PIP4P2: variants seen among roughly 807,000 people sequenced by gnomAD.
The protein encoded by PIP4P2 is type 2 phosphatidylinositol 4,5-bisphosphate 4-phosphatase.
In PIP4P2, 19 loss-of-function variants were observed where a neutral mutation model predicts 33.3. The observed-to-expected ratio is 0.57, with a 90% CI of 0.40 to 0.84. The LOEUF is 0.84. Among genes scored for constraint, PIP4P2 ranks in the 40% least tolerant of loss-of-function variants. The pLI, the probability that PIP4P2 is intolerant of heterozygous loss-of-function variation, is 0.00. For synonymous variants in PIP4P2, 110 were observed against 111.9 expected (o/e 0.98, Z 0.11); for missense variants, 270 against 324.7 (o/e 0.83, Z 1.29).
intron 5 of PIP4P2, among the ~76,000 whole-genome samples, chr8:91,002,980 T>A (rs1156414458): frequency 6.6e-6 from 1 of 152,062 alleles, no homozygotes; most frequent in East Asian, 1.9e-4. Context: ...CTAAAAGAAG[T>A]TTGGAGTTTG....
At chr8:91,014,582 G>C (rs1225221107) in intron 4 of PIP4P2, among the ~76,000 whole-genome samples, 1 of 152,060 alleles carries the variant, frequency 6.6e-6, no homozygotes, top group Non-Finnish European at 1.5e-5. Context: ...GTGGTTGCCA[G>C]GCATTGAGGT....
intron 5 of PIP4P2, among the ~76,000 whole-genome samples, chr8:90,998,537 A>G (rs1033674092): frequency 6.6e-6 from 1 of 151,950 alleles, no homozygotes; most frequent in Non-Finnish European, 1.5e-5. Context: ...TGCAATATAT[A>G]TTACTGGTAC....
intron 4 of PIP4P2, among the ~76,000 whole-genome samples, chr8:91,011,029 GATA>G (rs1811829926): frequency 3.5e-5 from 5 of 141,114 alleles, no homozygotes; most frequent in Non-Finnish European, 7.8e-5. Context: ...GAGATAGATA[GATA>G]GATAGATAGA....
chr8:91,039,673 T>G (rs950163798), intron 1 of PIP4P2, among the ~76,000 whole-genome samples: 1 of 152,208 alleles, frequency 6.6e-6, no homozygotes, highest in African/African-American at 2.4e-5. Context: ...CATTTGCAAG[T>G]GCCATTTTGA....
intron 1 of PIP4P2, among the ~76,000 whole-genome samples, chr8:91,033,757 C>T (rs1246467215): frequency 1.3e-5 from 2 of 152,056 alleles, no homozygotes; most frequent in Non-Finnish European, 2.9e-5. Context: ...CATGCTCTAA[C>T]CCACTGTCCC....
chr8:91,025,312 C>T (rs1019502498), intron 1 of PIP4P2, among the ~76,000 whole-genome samples: 1 of 152,120 alleles, frequency 6.6e-6, no homozygotes, highest in South Asian at 2.1e-4. Flanking sequence ...ACATAATGAT[C>T]TTTCTAAAAC....
intron 1 of PIP4P2, among the ~76,000 whole-genome samples, chr8:91,026,980 G>A (rs1812090503): frequency 6.6e-6 from 1 of 152,202 alleles, no homozygotes; most frequent in Admixed American, 6.5e-5. Flanking sequence ...GGCCTCTACA[G>A]ACAGAAAATG....
intron 5 of PIP4P2, 119 bp from the exon 6 acceptor site, chr8:90,996,863 C>T (rs1811635767): frequency 1.3e-6 from 1 of 776,324 alleles, no homozygotes. Context: ...TTCATTGCTT[C>T]AACTTTACAG....
chr8:91,030,551 T>G (rs1488522268), intron 1 of PIP4P2, among the ~76,000 whole-genome samples: 1 of 152,222 alleles, frequency 6.6e-6, no homozygotes, highest in Non-Finnish European at 1.5e-5. Context: ...ATTAAATTTT[T>G]ATTAGTAATA....
chr8:91,020,742 A>C (rs990145268), intron 2 of PIP4P2, among the ~76,000 whole-genome samples: 1 of 152,162 alleles, frequency 6.6e-6, no homozygotes, highest in Non-Finnish European at 1.5e-5. Context: ...CTATCAACTA[A>C]ATTGAATAAA....
At chr8:91,040,300 G>C (rs1348026841) in intron 1 of PIP4P2, among the ~76,000 whole-genome samples, 1 of 152,146 alleles carries the variant, frequency 6.6e-6, no homozygotes, top group Non-Finnish European at 1.5e-5. Flanking sequence ...GCTGCGCTTA[G>C]GGGCTGTTCT....
In PIP4P2 at chr8:91,014,796, C is replaced by T. The variant is rs546845210; in HGVS notation, c.486+3594G>A. Among the ~76,000 whole-genome samples, 141 of 149,466 alleles carry T rather than the reference C, an allele frequency of 9.4e-4. 1 individual carries two copies. The highest frequency in any genetic ancestry group is 3.4e-3 in the African/African-American group (135 of 39,690). On this transcript the variant is annotated intron_variant, in intron 4 of 6. Transcript: ENST00000285419. ...ACACACACACACACACACACACACA[C>T]GATAACTATATGAGGTAATCAAAAT...
intron 1 of PIP4P2, among the ~76,000 whole-genome samples, chr8:91,039,427 T>C (rs999033180): frequency 6.6e-6 from 1 of 152,208 alleles, no homozygotes; most frequent in Non-Finnish European, 1.5e-5. Context: ...TCTTGTTAAG[T>C]ATGGATTAAG....
intron 4 of PIP4P2, among the ~76,000 whole-genome samples, chr8:91,010,930 A>C (rs939079018): frequency 7.0e-6 from 1 of 143,050 alleles, no homozygotes; most frequent in African/African-American, 2.6e-5. Flanking sequence ...CCCAAGATAT[A>C]TTTTGCAACT....
chr8:91,036,082 A>C (rs763540310), intron 1 of PIP4P2, among the ~76,000 whole-genome samples: 1 of 152,098 alleles, frequency 6.6e-6, no homozygotes, highest in Non-Finnish European at 1.5e-5. Flanking sequence ...ACCTTAGCAC[A>C]TGTATGTTCC....
intron 5 of PIP4P2, 151 bp downstream of exon 5, chr8:91,008,592 T>C (rs890679280): frequency 1.1e-5 from 6 of 541,548 alleles, no homozygotes; most frequent in African/African-American, 3.8e-5. Context: ...TGTTTTAGGA[T>C]ATCTTTTTAG....
At chr8:90,999,899 A>T (rs958360760) in intron 5 of PIP4P2, among the ~76,000 whole-genome samples, 2 of 151,982 alleles carry the variant, frequency 1.3e-5, no homozygotes, top group Non-Finnish European at 2.9e-5. Context: ...GATTAGTCTA[A>T]TGATATACAT....
chr8:91,003,955 A>ATAGATAGATAGG (rs1491472642), intron 5 of PIP4P2, among the ~76,000 whole-genome samples: 1 of 111,586 alleles, frequency 9.0e-6, no homozygotes, highest in Admixed American at 8.8e-5. Context: ...CAGGAGATAG[A>ATAGATAGATAGG]TAGATAGATA....
At chr8:91,014,289 C>G (rs535569983) in intron 4 of PIP4P2, among the ~76,000 whole-genome samples, 1 of 152,236 alleles carries the variant, frequency 6.6e-6, no homozygotes, top group African/African-American at 2.4e-5. Flanking sequence ...AGGAGTATCA[C>G]AATCCCAAGC....
Sources: allele counts gnomAD v4.1 joint callset (sites outside exome capture counted in the v4.1 genomes callset), GRCh38; gene constraint gnomAD v4.1.1; transcripts MANE v1.5; gene names NCBI Gene and HGNC (gene_info 2026-07-23, HGNC 2026-07-21).